USP34: variants seen among roughly 807,000 people sequenced by gnomAD.
USP34 encodes the protein ubiquitin carboxyl-terminal hydrolase 34.
USP34 carries 70 observed loss-of-function variants against 460.3 expected under a neutral mutation model. That is an observed-to-expected ratio of 0.15 (90% CI 0.13 to 0.19). The LOEUF (loss-of-function observed/expected upper bound fraction) is 0.19, where lower values mean the gene tolerates loss of function less well. USP34 is among the 10% of genes least tolerant of loss of function. The pLI, the probability that USP34 is intolerant of heterozygous loss-of-function variation, is 1.00. For missense variants in USP34, 3,985 were observed against 4,236.2 expected (o/e 0.94, Z 1.65); for synonymous variants, 1,647 against 1,405.3 (o/e 1.17, Z -3.85).
intron 2 of USP34, among the ~76,000 whole-genome samples, chr2:61,416,058 A>G (rs1183504305): frequency 6.6e-6 from 1 of 152,194 alleles, no homozygotes; most frequent in African/African-American, 2.4e-5. Flanking sequence ...CCCTAGCCCA[A>G]TTCTGCTGAA....
At position 61,301,066 on chromosome 2, in the gene USP34, T is replaced by C; in HGVS notation, c.4013A>G (p.Asn1338Ser). Residue 1338 changes from asparagine (N) to serine (S), a missense_variant, in exon 29 of 80, where the codon AAC becomes AGC. Physicochemically the swap from Asn to Ser is conservative, Grantham distance 46. Around this residue, in one of 14 missense-constraint regions of USP34, gnomAD observed 1,114 missense variants for 1,122.5 expected, o/e 0.99. Coordinates refer to ENST00000398571, the MANE Select transcript of USP34 (RefSeq NM_014709.4). Reference protein sequence around the residue: ...ASCLPPPQKDNIPMLLLLQEP... With the variant: ...ASCLPPPQKDSIPMLLLLQEP... ...TTGTAAAAGCAAAAGCATTGGAATG[T>C]TGTCCTTCTGAGGGGGTGGGAGGCA... 1 of 1,614,076 alleles carries C rather than the reference T, an allele frequency of 6.2e-7. No individual in the cohort carries two copies. The highest frequency in any genetic ancestry group is 8.5e-7 in the Non-Finnish European group (1 of 1,180,000).
At chr2:61,359,737 C>T (rs547424863) in intron 10 of USP34, among the ~76,000 whole-genome samples, 1 of 148,768 alleles carries the variant, frequency 6.7e-6, no homozygotes, top group Non-Finnish European at 1.5e-5. Flanking sequence ...ATAGAAGGAA[C>T]TTACCTCAGC....
intron 19 of USP34, among the ~76,000 whole-genome samples, chr2:61,332,989 A>G (rs911541660): frequency 6.6e-6 from 1 of 152,032 alleles, no homozygotes; most frequent in African/African-American, 2.4e-5. Context: ...TGTTCTTACC[A>G]CCTAAGCTTA....
At chr2:61,207,036 G>A (rs1422308985) in intron 70 of USP34, 150 bp from the exon 71 acceptor site, 2 of 740,800 alleles carry the variant, frequency 2.7e-6, no homozygotes, top group Non-Finnish European at 4.2e-6. Flanking sequence ...TTTCTATCCT[G>A]AAGTTAAACT....
chr2:61,242,464 C>T (rs200950501), intron 51 of USP34, among the ~76,000 whole-genome samples: 1 of 84,638 alleles, frequency 1.2e-5, no homozygotes, highest in East Asian at 4.3e-4. Flanking sequence ...TACATACACA[C>T]ACACACACAC....
chr2:61,379,084 C>T (rs1692893027), intron 7 of USP34, among the ~76,000 whole-genome samples: 1 of 152,044 alleles, frequency 6.6e-6, no homozygotes, highest in Non-Finnish European at 1.5e-5. Context: ...GAAAGACTCC[C>T]CAGATAAATC....
At chr2:61,294,916 T>C (rs1375453845) in intron 32 of USP34, 33 bp downstream of exon 32, 8 of 1,557,678 alleles carry the variant, frequency 5.1e-6, no homozygotes, top group African/African-American at 1.4e-5. Flanking sequence ...AAATTATTTT[T>C]ATCAATACAT....
intron 1 of USP34, among the ~76,000 whole-genome samples, chr2:61,425,950 C>G (rs967017493): frequency 2.0e-5 from 3 of 151,704 alleles, no homozygotes; most frequent in Non-Finnish European, 4.4e-5. Flanking sequence ...CACAGCAAGA[C>G]AGGGCACCGC....
chr2:61,416,836 G>T (rs1694211089), intron 2 of USP34: 6 of 370,112 alleles, frequency 1.6e-5, no homozygotes, highest in Non-Finnish European at 2.9e-5. Context: ...GGGGGGACAG[G>T]AAGTAGAATG....
chr2:61,336,001 T>C (rs1691403978), intron 18 of USP34, among the ~76,000 whole-genome samples: 1 of 152,202 alleles, frequency 6.6e-6, no homozygotes, highest in Non-Finnish European at 1.5e-5. Flanking sequence ...TTGCCTAATC[T>C]AGGACTCCAT....
chr2:61,229,483 A>AAC lies in USP34; in HGVS notation c.7199+64_7199+65insGT, dbSNP rs1687829730. The AAC allele has an allele frequency of 1.1e-4, 91 of 805,778 alleles. 3 individuals are homozygous for AAC. In the South Asian group the frequency reaches 2.0e-3, roughly 18 times the overall value. 49.9% of individuals were successfully genotyped at this position (805,778 alleles called of 1,614,324 possible). On this transcript the variant is annotated intron_variant, in intron 59 of 79. Transcript: ENST00000398571. ...AAAAAAAAAAAAAAAAAACAAAAAAAAAAAACAAAAACACCACACACACAC... is the reference window on the plus strand; with the variant it reads ...AAAAAAAAAAAAAAAAAACAAAAAAAACAAAAACAAAAACACCACACACACAC...
intron 74 of USP34, among the ~76,000 whole-genome samples, chr2:61,203,575 T>G (rs1195179079): frequency 1.3e-5 from 2 of 152,166 alleles, no homozygotes; most frequent in Admixed American, 1.3e-4. Flanking sequence ...AGTTTGACTT[T>G]TGAAATAGAT....
At chr2:61,404,457 G>GCA (rs778056809) in intron 3 of USP34, among the ~76,000 whole-genome samples, 5 of 152,180 alleles carry the variant, frequency 3.3e-5, no homozygotes, top group African/African-American at 4.8e-5. Flanking sequence ...ACAGAAAGCA[G>GCA]CACAATAGAA....
chr2:61,295,100 A>G, intron 31 of USP34, 68 bp from the exon 32 acceptor site: 2 of 1,597,796 alleles, frequency 1.3e-6, no homozygotes, highest in Admixed American at 1.8e-5. Flanking sequence ...TGGAAAAGAC[A>G]ATACATTATA....
At chr2:61,220,535 A>G (rs1450322638) in intron 66 of USP34, 78 bp from the exon 67 acceptor site, 1 of 1,283,476 alleles carries the variant, frequency 7.8e-7, no homozygotes, top group Non-Finnish European at 1.0e-6. Flanking sequence ...TGTATATGCT[A>G]TTAGACACAA....
At chr2:61,307,701 T>G (rs922393570) in intron 27 of USP34, among the ~76,000 whole-genome samples, 3 of 151,960 alleles carry the variant, frequency 2.0e-5, no homozygotes, top group African/African-American at 4.8e-5. Flanking sequence ...TTGAGAAAAT[T>G]TGTCACCAGA....
At chr2:61,263,173 A>ATT (rs36015748) in intron 43 of USP34, among the ~76,000 whole-genome samples, 18,694 of 97,184 alleles carry the variant, frequency 0.19, 2,536 homozygotes, top group African/African-American at 0.26. Flanking sequence ...CACACATGGA[A>ATT]TTTTTTTTTT....
At chr2:61,216,884 T>C (rs974061013) in intron 67 of USP34, among the ~76,000 whole-genome samples, 3 of 146,138 alleles carry the variant, frequency 2.1e-5, no homozygotes, top group Non-Finnish European at 4.5e-5. Context: ...CAGCACTACA[T>C]CCCAGCCTGG....
At chr2:61,377,397 C>T (rs559835539) in intron 8 of USP34, among the ~76,000 whole-genome samples, 2 of 152,010 alleles carry the variant, frequency 1.3e-5, no homozygotes, top group South Asian at 4.2e-4. Context: ...ACTAGATGAA[C>T]AATTAAATGG....
Sources: allele counts gnomAD v4.1 joint callset (sites outside exome capture counted in the v4.1 genomes callset), GRCh38; gene constraint gnomAD v4.1.1; regional missense constraint gnomAD v4.1.1; transcripts MANE v1.5; gene names NCBI Gene and HGNC (gene_info 2026-07-23, HGNC 2026-07-21).